Variants in NCAM1 observed in about 807,000 individuals in gnomAD.
NCAM1 encodes the protein antigen recognized by monoclonal antibody 5.1H11.
NCAM1 carries 14 observed loss-of-function variants against 109.8 expected under a neutral mutation model. That is an observed-to-expected ratio of 0.13 (90% CI 0.08 to 0.20). NCAM1 has a LOEUF of 0.20. Among genes scored for constraint, NCAM1 ranks in the 10% least tolerant of loss-of-function variants. The probability of loss-of-function intolerance (pLI) is 1.00; values close to 1 mark genes in which losing one functional copy is unlikely to be tolerated. For missense variants in NCAM1, 774 were observed against 1,109.9 expected (o/e 0.70, Z 4.30); for synonymous variants, 418 against 442.9 (o/e 0.94, Z 0.70).
At chr11:113,210,400 G>A (rs1383615070) in intron 7 of NCAM1, among the ~76,000 whole-genome samples, 1 of 152,140 alleles carries the variant, frequency 6.6e-6, no homozygotes, top group Non-Finnish European at 1.5e-5. Flanking sequence ...TGGCTCCTAA[G>A]TCCCTTCTCT....
intron 1 of NCAM1, among the ~76,000 whole-genome samples, chr11:113,135,001 GC>G: frequency 6.6e-6 from 1 of 152,240 alleles, no homozygotes; most frequent in South Asian, 2.1e-4. Flanking sequence ...GAGCTACAGG[GC>G]TATGGGAACA....
intron 1 of NCAM1, among the ~76,000 whole-genome samples, chr11:113,115,986 A>G (rs940591878): frequency 6.6e-6 from 1 of 152,218 alleles, no homozygotes; most frequent in Non-Finnish European, 1.5e-5. Flanking sequence ...TCTTTCTCTC[A>G]TAAGTTTAAA....
rs559989191 is a variant in NCAM1, at chr11:112,962,246, T to C, written c.52+582T>C. On this transcript the variant is annotated intron_variant, in intron 1 of 19. Transcript: ENST00000316851. The surrounding 1 kb of genome is among the most constrained non-coding windows in gnomAD (Gnocchi z 5.6). ...CAAAATGGGCAGAATCGCACGGCCG[T>C]TGTTGTTGGTGTGACCGTTGTTGCA... Among the ~76,000 whole-genome samples, 6 of 152,208 alleles carry C rather than the reference T, an allele frequency of 3.9e-5. No individual in the cohort carries two copies. The East Asian group carries it at 1.2e-3, about 29-fold the overall frequency.
intron 1 of NCAM1, among the ~76,000 whole-genome samples, chr11:113,156,246 G>A (rs1942404597): frequency 6.6e-6 from 1 of 152,174 alleles, no homozygotes; most frequent in Non-Finnish European, 1.5e-5. Flanking sequence ...AACATGAGAG[G>A]ACAGAGGCTT....
At chr11:113,077,166 T>C (rs78766771) in intron 1 of NCAM1, among the ~76,000 whole-genome samples, 1,985 of 152,306 alleles carry the variant, frequency 0.013, 40 homozygotes, top group African/African-American at 0.045. Context: ...GGCAGAATTG[T>C]CAGCAAACAA....
intron 8 of NCAM1, among the ~76,000 whole-genome samples, chr11:113,217,648 C>T (rs2137053270): frequency 6.6e-6 from 1 of 152,300 alleles, no homozygotes. Flanking sequence ...TTGTGGTCAA[C>T]TAAAATGCTC....
rs1364494862 is a variant in NCAM1, at chr11:113,273,118, C to T, written c.2456+1242C>T. The T allele has an allele frequency of 1.1e-5, 5 of 453,058 alleles. No homozygotes were observed. Among genetic ancestry groups the T allele is most frequent in the African/African-American group, 4.0e-5 (2 of 50,052 alleles). The allele number at this position is 453,058 out of a possible 1,614,324, so 28.1% of individuals were successfully genotyped here. ...GCCACGCCTGACTCAAACTCTGTACCGGCTGGCCAGGCCACCCCTTCCAAG... is the reference window on the plus strand; with the variant it reads ...GCCACGCCTGACTCAAACTCTGTACTGGCTGGCCAGGCCACCCCTTCCAAG... On this transcript the variant is annotated intron_variant, in intron 19 of 19. Coordinates refer to ENST00000316851, the MANE Select transcript of NCAM1 (RefSeq NM_181351.5). This position sits in a 1 kb window ranked among gnomAD's most constrained non-coding sequence, Gnocchi z 6.0.
At chr11:112,983,949 A>T (rs554603829) in intron 1 of NCAM1, among the ~76,000 whole-genome samples, 1 of 151,906 alleles carries the variant, frequency 6.6e-6, no homozygotes, top group Non-Finnish European at 1.5e-5. Context: ...TTTCCATCAT[A>T]CAATACAACA....
intron 1 of NCAM1, among the ~76,000 whole-genome samples, chr11:113,172,121 A>T (rs568944710): frequency 6.6e-6 from 1 of 152,292 alleles, no homozygotes; most frequent in African/African-American, 2.4e-5. Context: ...CTCTGAGACA[A>T]GGAATTTCTC....
intron 1 of NCAM1, among the ~76,000 whole-genome samples, chr11:113,178,142 C>G (rs190433109): frequency 6.6e-6 from 1 of 152,186 alleles, no homozygotes; most frequent in African/African-American, 2.4e-5. Context: ...TTCCTACTTT[C>G]TTCTTTGCCC....
chr11:113,118,093 A>T (rs952244889), intron 1 of NCAM1, among the ~76,000 whole-genome samples: 5 of 152,116 alleles, frequency 3.3e-5, no homozygotes, highest in East Asian at 1.9e-4. Context: ...TATTATTTAA[A>T]TAACCCACTA....
intron 14 of NCAM1, among the ~76,000 whole-genome samples, chr11:113,236,646 C>G (rs1400542116): frequency 1.3e-5 from 2 of 152,208 alleles, no homozygotes; most frequent in African/African-American, 4.8e-5. Flanking sequence ...CAGATGGGCC[C>G]TGAATAACAC....
At chr11:112,977,759 T>A (rs1425889361) in intron 1 of NCAM1, among the ~76,000 whole-genome samples, 1 of 151,890 alleles carries the variant, frequency 6.6e-6, no homozygotes, top group African/African-American at 2.4e-5. Context: ...TAGAAACCTC[T>A]GGGCTTAGAA....
intron 1 of NCAM1, among the ~76,000 whole-genome samples, chr11:113,126,487 C>T (rs1286962188): frequency 6.6e-6 from 1 of 152,162 alleles, no homozygotes; most frequent in Non-Finnish European, 1.5e-5. Context: ...GAAACAGACT[C>T]AGATGTGTTT....
intron 1 of NCAM1, among the ~76,000 whole-genome samples, chr11:113,112,785 T>C (rs1940503123): frequency 2.0e-5 from 3 of 152,032 alleles, no homozygotes; most frequent in Admixed American, 2.0e-4. Flanking sequence ...TTCATGAAGG[T>C]CTTTCTGCCT....
At chr11:113,057,167 C>T (rs1953742799) in intron 1 of NCAM1, among the ~76,000 whole-genome samples, 1 of 152,114 alleles carries the variant, frequency 6.6e-6, no homozygotes, top group Non-Finnish European at 1.5e-5. Flanking sequence ...AGAGTAATGT[C>T]AGGAATGACT....
intron 1 of NCAM1, among the ~76,000 whole-genome samples, chr11:113,013,206 C>A (rs1229899310): frequency 1.3e-5 from 2 of 151,828 alleles, no homozygotes; most frequent in African/African-American, 2.4e-5. Flanking sequence ...GCGGGTGGAT[C>A]ACCTGAGGTT....
At chr11:113,063,689 C>A (rs782524004) in intron 1 of NCAM1, among the ~76,000 whole-genome samples, 6 of 152,244 alleles carry the variant, frequency 3.9e-5, no homozygotes, top group Non-Finnish European at 5.9e-5. Flanking sequence ...GACCCATAAG[C>A]CCTTCCAACA....
rs144370616 is a variant in NCAM1, at chr11:113,128,693, T to C, written c.53-73686T>C. ...TGTGCTTGGCTTAGAAGTTGAAAAA[T>C]AGGCCTCGTATTTCTCATTTTATTG... is the stretch of plus-strand genomic sequence containing the variant. On this transcript the variant is annotated intron_variant, in intron 1 of 19. Coordinates refer to ENST00000316851, the MANE Select transcript of NCAM1 (RefSeq NM_181351.5). Among the ~76,000 whole-genome samples the C allele has an allele frequency of 2.3e-3, 349 of 152,176 alleles. 3 individuals carry two copies. Among genetic ancestry groups the C allele is most frequent in the African/African-American group, 8.2e-3 (340 of 41,512 alleles).
Sources: gnomAD v4.1 joint callset for allele counts (sites outside exome capture counted in the v4.1 genomes callset) on GRCh38, gnomAD v4.1.1 for gene constraint, Gnocchi (gnomAD v3.1) non-coding constraint, MANE v1.5 for transcripts, NCBI Gene and HGNC (gene_info 2026-07-23, HGNC 2026-07-21) for gene names.